The following CEP83 variants were observed in gnomAD, a reference collection of about 807,000 sequenced individuals.
The protein encoded by CEP83 is centrosomal protein of 83 kDa.
A neutral mutation model predicts 101.9 loss-of-function variants in CEP83; 70 were observed. The ratio of observed to expected loss-of-function variants is 0.69; its 90% CI spans 0.57 to 0.84. The LOEUF (loss-of-function observed/expected upper bound fraction) is 0.84, where lower values mean the gene tolerates loss of function less well. Among genes scored for constraint, CEP83 ranks in the 40% least tolerant of loss-of-function variants. The probability of loss-of-function intolerance (pLI) is 0.00; values close to 1 mark genes in which losing one functional copy is unlikely to be tolerated. For missense variants in CEP83, 715 were observed against 787.2 expected, an observed-to-expected ratio of 0.91 and a Z score of 1.10; for synonymous variants, 264 against 267.9, an observed-to-expected ratio of 0.99 and a Z score of 0.14.
chr12:94,343,359 C>A (rs1302923637), intron 11 of CEP83, among the ~76,000 whole-genome samples: 1 of 151,922 alleles, frequency 6.6e-6, no homozygotes, highest in African/African-American at 2.4e-5. Context: ...AATTGCTTTA[C>A]CCTAGTCCTA....
At chr12:94,358,348 GA>G (rs1565980767) in intron 11 of CEP83, among the ~76,000 whole-genome samples, 2 of 151,046 alleles carry the variant, frequency 1.3e-5, no homozygotes, top group South Asian at 4.2e-4. Flanking sequence ...TACGGGACTA[GA>G]AAAAAAAATT....
the CEP83 span, chr12:94,282,455 A>G: frequency 7.7e-6 from 9 of 1,170,968 alleles, no homozygotes; most frequent in Admixed American, 1.8e-5. Flanking sequence ...TCCTAGTCCC[A>G]TGGACATTCT....
intron 6 of CEP83, among the ~76,000 whole-genome samples, chr12:94,390,334 G>A (rs903834811): frequency 7.9e-5 from 12 of 152,090 alleles, no homozygotes; most frequent in Non-Finnish European, 1.5e-4. Flanking sequence ...AGGCAAACAG[G>A]GTCTGGAGTG....
chr12:94,437,027 T>C (rs1340890275), intron 1 of CEP83, among the ~76,000 whole-genome samples: 1 of 152,000 alleles, frequency 6.6e-6, no homozygotes, highest in East Asian at 1.9e-4. Flanking sequence ...TTCCCCGGTT[T>C]TGATAGATAT....
chr12:94,347,824 A>G (rs546667857), intron 11 of CEP83, among the ~76,000 whole-genome samples: 23 of 152,336 alleles, frequency 1.5e-4, no homozygotes, highest in African/African-American at 5.1e-4. Flanking sequence ...AGACATAAAG[A>G]AACTTTTGGG....
At chr12:94,405,002 G>C (rs1458153991) in intron 4 of CEP83, among the ~76,000 whole-genome samples, 1 of 152,186 alleles carries the variant, frequency 6.6e-6, no homozygotes, top group Non-Finnish European at 1.5e-5. Flanking sequence ...AAAAGCTTTA[G>C]TGGGAGAGTA....
chr12:94,436,826 CAAA>C (rs755179387), intron 1 of CEP83, among the ~76,000 whole-genome samples: 2 of 67,182 alleles, frequency 3.0e-5, no homozygotes. Context: ...GACTCCATCT[CAAA>C]AAAAAAAAAA....
chr12:94,275,242 A>G, the CEP83 span, among the ~76,000 whole-genome samples: 3 of 152,218 alleles, frequency 2.0e-5, no homozygotes, highest in Non-Finnish European at 4.4e-5. Context: ...GAAATTTATC[A>G]TGAATTATCT....
intron 12 of CEP83, 57 bp from the exon 13 acceptor site, chr12:94,333,696 T>G: frequency 2.6e-6 from 4 of 1,547,388 alleles, no homozygotes; most frequent in Non-Finnish European, 3.5e-6. Flanking sequence ...CGGTAAGGTA[T>G]GAGAGAAGCA....
chr12:94,268,244 C>T, the CEP83 span, among the ~76,000 whole-genome samples: 2 of 152,286 alleles, frequency 1.3e-5, no homozygotes, highest in Admixed American at 1.3e-4. Context: ...TTTTCTAGAA[C>T]ATAAAGGCAT....
At chr12:94,279,800 C>T in the CEP83 span, 1 of 746,506 alleles carries the variant, frequency 1.3e-6, no homozygotes. Flanking sequence ...TGTCTAGGGG[C>T]CAAGAGACTG....
chr12:94,442,678 A>C (rs2066499271), intron 1 of CEP83, among the ~76,000 whole-genome samples: 1 of 152,178 alleles, frequency 6.6e-6, no homozygotes, highest in Admixed American at 6.5e-5. Flanking sequence ...TCATGAATCT[A>C]GTAATAGGTG....
In CEP83 at chr12:94,330,276, G is replaced by GCACACA. The variant is rs143826389; in HGVS notation, c.1707+1418_1707+1423dup. 9.8e-4 allele frequency among the ~76,000 whole-genome samples: 147 copies of GCACACA among 149,418 alleles called. 1 individual carries two copies. Among genetic ancestry groups the GCACACA allele is most frequent in the East Asian group, 5.1e-3 (26 of 5,116 alleles). On this transcript the variant is annotated intron_variant, in intron 14 of 16. Coordinates refer to ENST00000397809, the MANE Select transcript of CEP83 (RefSeq NM_016122.3). ...ATTTGTGGGACTTTACATATAACAC[G>GCACACA]CACACACACACACACACACTTTATC...
chr12:94,293,407 G>C, the CEP83 span, among the ~76,000 whole-genome samples: 1 of 152,198 alleles, frequency 6.6e-6, no homozygotes, highest in African/African-American at 2.4e-5. Context: ...TAATAGAGTA[G>C]TGTCATAGTC....
At chr12:94,440,569 G>GT (rs902712525) in intron 1 of CEP83, among the ~76,000 whole-genome samples, 2 of 150,626 alleles carry the variant, frequency 1.3e-5, no homozygotes, top group African/African-American at 4.9e-5. Context: ...TATATCCCAT[G>GT]CGCATGGATG....
At chr12:94,328,896 T>C (rs942578225) in intron 14 of CEP83, among the ~76,000 whole-genome samples, 4 of 152,230 alleles carry the variant, frequency 2.6e-5, no homozygotes, top group Non-Finnish European at 5.9e-5. Context: ...CTACTTTAGG[T>C]TGCTAACTTG....
At chr12:94,306,384 G>GAGAA (rs1403947199), downstream of CEP83, 6 of 152,098 alleles carry the variant, frequency 3.9e-5, no homozygotes, top group African/African-American at 1.4e-4. Flanking sequence ...TTCCTCGCAG[G>GAGAA]AGAAAGAATT....
intron 1 of CEP83, among the ~76,000 whole-genome samples, chr12:94,454,115 A>G (rs1011439511): frequency 2.0e-5 from 3 of 151,678 alleles, no homozygotes; most frequent in Non-Finnish European, 4.4e-5. Context: ...AAAAAAAATT[A>G]GAGTACCTAT....
intron 2 of CEP83, among the ~76,000 whole-genome samples, chr12:94,422,051 A>T (rs2064797682): frequency 6.6e-6 from 1 of 152,232 alleles, no homozygotes; most frequent in African/African-American, 2.4e-5. Flanking sequence ...CCAAGCAAGC[A>T]TTAGGTTATA....
Sources: gnomAD v4.1 joint callset for allele counts (sites outside exome capture counted in the v4.1 genomes callset) on GRCh38, gnomAD v4.1.1 for gene constraint, MANE v1.5 for transcripts, NCBI Gene and HGNC (gene_info 2026-07-23, HGNC 2026-07-21) for gene names.